ADARB1: variants seen among roughly 807,000 people sequenced by gnomAD.
ADARB1 encodes the protein adenosine deaminase RNA specific B1.
In ADARB1, 10 loss-of-function variants were observed where a neutral mutation model predicts 52.4. The ratio of observed to expected loss-of-function variants is 0.19; its 90% confidence interval spans 0.12 to 0.32. The LOEUF (loss-of-function observed/expected upper bound fraction) is 0.32. ADARB1 is among the 10% of genes least tolerant of loss of function. ADARB1 has a pLI of 1.00. For synonymous variants in ADARB1, 349 were observed against 371.1 expected, an observed-to-expected ratio of 0.94 and a Z score of 0.68; for missense variants, 643 against 922.3, an observed-to-expected ratio of 0.70 and a Z score of 3.92.
At chr21:45,182,951 TAA>T (rs1471094371) in intron 6 of ADARB1, among the ~76,000 whole-genome samples, 198 bp downstream of exon 6, 1 of 152,226 alleles carries the variant, frequency 6.6e-6, no homozygotes, top group African/African-American at 2.4e-5. Context: ...TACAATAACA[TAA>T]CATGGTCATA....
intron 9 of ADARB1, among the ~76,000 whole-genome samples, chr21:45,210,629 G>A (rs989619742): frequency 1.3e-5 from 2 of 152,220 alleles, no homozygotes; most frequent in Non-Finnish European, 2.9e-5. Context: ...CGGGCCTGCC[G>A]TCACCCTTCA....
chr21:45,182,561 AGT>A, intron 5 of ADARB1, 22 bp from the exon 6 acceptor site: 1 of 1,570,634 alleles, frequency 6.4e-7, no homozygotes. Flanking sequence ...TACAGAAAAT[AGT>A]GTCTCTTTTT....
intron 2 of ADARB1, among the ~76,000 whole-genome samples, chr21:45,137,534 G>A (rs943778838): frequency 6.6e-6 from 1 of 152,226 alleles, no homozygotes; most frequent in Non-Finnish European, 1.5e-5. Context: ...CCCCTGATGT[G>A]TGAAGGCCCA....
Position 45,157,188 on chromosome 21 carries a change from A to G in ADARB1, c.-47-14422A>G, listed in dbSNP as rs575189508. 2.0e-5 allele frequency among the ~76,000 whole-genome samples: 3 copies of G among 152,368 alleles called. No individual in the cohort carries two copies. The highest frequency in any genetic ancestry group is 7.2e-5 in the African/African-American group (3 of 41,592). ...CAGGGTGCATTTCAAGCACAGGTGC[A>G]TACACTCTAGGTTAACAGTTGAAAT... On this transcript the variant is annotated intron_variant, in intron 2 of 10. Transcript: ENST00000348831. This position sits in a 1 kb window ranked among gnomAD's most constrained non-coding sequence, Gnocchi z 4.1.
Position 45,220,958 on chromosome 21 carries a change from G to A in ADARB1, c.1870G>A (p.Ala624Thr), listed in dbSNP as rs145150920. Residue 624 changes from alanine (A) to threonine (T), a missense_variant, in exon 10 of 11, where the codon GCG becomes ACG. This residue lies in a region of ADARB1 where 263 missense variants were observed against 475.8 expected (regional missense o/e 0.55). Transcript: ENST00000348831. This position sits in a 1 kb window ranked among gnomAD's most constrained non-coding sequence, Gnocchi z 6.3. ...GACTGGGAAGGATGAGCTGGGCCGCGCGTCCCGCCTGTGTAAGCACGCGTT... is the reference window on the plus strand; with the variant it reads ...GACTGGGAAGGATGAGCTGGGCCGCACGTCCCGCCTGTGTAAGCACGCGTT... ...ATTGKDELGR[A>T]SRLCKHALYC... is the part of the protein sequence containing the mutation. 6 of 1,613,248 alleles carry A rather than the reference G, an allele frequency of 3.7e-6. No individual in the cohort carries two copies. The highest frequency in any genetic ancestry group is 1.7e-5 in the Admixed American group (1 of 60,036).
intron 1 of ADARB1, among the ~76,000 whole-genome samples, chr21:45,114,432 C>A (rs187121324): frequency 2.6e-5 from 4 of 152,158 alleles, no homozygotes; most frequent in African/African-American, 7.2e-5. Context: ...CAGGCCCATC[C>A]GTCATCCCGG....
intron 2 of ADARB1, among the ~76,000 whole-genome samples, chr21:45,164,120 G>A (rs1433384549): frequency 6.6e-6 from 1 of 152,210 alleles, no homozygotes; most frequent in African/African-American, 2.4e-5. Context: ...GTTTTAAAGA[G>A]CAGAAAGCTG....
At chr21:45,185,496 G>A (rs949900510) in intron 8 of ADARB1, among the ~76,000 whole-genome samples, 1 of 152,180 alleles carries the variant, frequency 6.6e-6, no homozygotes, top group Non-Finnish European at 1.5e-5. Context: ...GTTGATATGT[G>A]CATTTTAAAA....
Position 45,074,660 on chromosome 21 carries a change from C to A in ADARB1, c.-353C>A. 1 of 140,740 alleles carries A rather than the reference C, an allele frequency of 7.1e-6. No homozygotes were observed. Among genetic ancestry groups the A allele is most frequent in the South Asian group, 1.9e-4 (1 of 5,224 alleles). The allele number at this position is 140,740 out of a possible 1,614,324, so 8.7% of individuals were successfully genotyped here. Reference sequence around the variant, plus strand: ...GCGGCCAGGTTGGCGGCCGGGGCTCCGGGCCGCGCGAGGCCACGGCCACGC... The same window carrying A: ...GCGGCCAGGTTGGCGGCCGGGGCTCAGGGCCGCGCGAGGCCACGGCCACGC... On this transcript the variant is annotated 5_prime_UTR_variant, in exon 1 of 11. Transcript: ENST00000348831.
At chr21:45,190,650 C>T (rs961290142) in intron 8 of ADARB1, among the ~76,000 whole-genome samples, 1 of 152,300 alleles carries the variant, frequency 6.6e-6, no homozygotes, top group Admixed American at 6.5e-5. Flanking sequence ...ACCTCTTATG[C>T]TTTTTCTGAT....
intron 2 of ADARB1, among the ~76,000 whole-genome samples, chr21:45,141,902 A>T (rs151058903): frequency 5.3e-5 from 8 of 151,636 alleles, no homozygotes; most frequent in Non-Finnish European, 1.2e-4. Context: ...CCTGTGGGTT[A>T]CCTCAGCCAC....
intron 2 of ADARB1, among the ~76,000 whole-genome samples, chr21:45,130,495 C>T (rs1326040531): frequency 1.3e-5 from 2 of 152,214 alleles, no homozygotes; most frequent in African/African-American, 4.8e-5. Flanking sequence ...GAATAGAAAT[C>T]GTGTATTTCC....
chr21:45,098,196 C>A (rs899171121), intron 1 of ADARB1, among the ~76,000 whole-genome samples: 2 of 152,174 alleles, frequency 1.3e-5, no homozygotes, highest in African/African-American at 4.8e-5. Flanking sequence ...CTCCACGGAC[C>A]CACCAGGGCA....
At chr21:45,156,210 T>TCCAC in intron 2 of ADARB1, among the ~76,000 whole-genome samples, 1 of 151,142 alleles carries the variant, frequency 6.6e-6, no homozygotes, top group East Asian at 2.0e-4. Context: ...CATCCATCCA[T>TCCAC]CCATCCACCC....
chr21:45,148,791 G>C (rs2090136164), intron 2 of ADARB1, among the ~76,000 whole-genome samples: 1 of 152,134 alleles, frequency 6.6e-6, no homozygotes, highest in Non-Finnish European at 1.5e-5. Context: ...TGGCTGCCCA[G>C]CCCAGCTCCC....
chr21:45,205,205 A>G (rs3788180), intron 9 of ADARB1, among the ~76,000 whole-genome samples: 103,362 of 151,996 alleles, frequency 0.68, 35,572 homozygotes, highest in African/African-American at 0.79. Flanking sequence ...AGGTTGCAGT[A>G]AGCCAAGATT....
intron 9 of ADARB1, among the ~76,000 whole-genome samples, chr21:45,211,812 C>T (rs1466535346): frequency 6.6e-6 from 1 of 152,204 alleles, no homozygotes; most frequent in Non-Finnish European, 1.5e-5. Context: ...TACCCTAGTT[C>T]CCTCTTTGCA....
intron 1 of ADARB1, among the ~76,000 whole-genome samples, chr21:45,092,138 T>A (rs1159174572): frequency 1.3e-5 from 2 of 151,926 alleles, no homozygotes; most frequent in Non-Finnish European, 2.9e-5. Context: ...GTCTGGAGAG[T>A]GATGCTTTGG....
At chr21:45,079,935 G>T (rs558331841) in intron 1 of ADARB1, among the ~76,000 whole-genome samples, 1 of 152,150 alleles carries the variant, frequency 6.6e-6, no homozygotes, top group African/African-American at 2.4e-5. Context: ...TTTGGCAAGC[G>T]GTCCACATTG....
Sources: gnomAD v4.1 joint callset for allele counts (sites outside exome capture counted in the v4.1 genomes callset) on GRCh38, gnomAD v4.1.1 for gene constraint, gnomAD v4.1.1 regional missense constraint, Gnocchi (gnomAD v3.1) non-coding constraint, MANE v1.5 for transcripts, NCBI Gene and HGNC (gene_info 2026-07-23, HGNC 2026-07-21) for gene names.